Variants in IL1RAPL1 observed in about 807,000 individuals in gnomAD.
IL1RAPL1 encodes interleukin 1 receptor accessory protein like 1, also known as interleukin-1 receptor accessory protein-like 1.
In IL1RAPL1, 3 loss-of-function variants were observed where a neutral mutation model predicts 48.4. That is an observed-to-expected ratio of 0.06 (90% confidence interval 0.03 to 0.16). IL1RAPL1 has a LOEUF of 0.16. IL1RAPL1 is among the 10% of genes least tolerant of loss of function. IL1RAPL1 has a pLI of 1.00. For missense variants in IL1RAPL1, 349 were observed against 530.6 expected, an observed-to-expected ratio of 0.66 and a Z score of 3.36; for synonymous variants, 185 against 187.7, an observed-to-expected ratio of 0.99 and a Z score of 0.12.
In IL1RAPL1 at chrX:29,332,660, T is replaced by A. The variant is rs1206312130; in HGVS notation, c.362+49443T>A. ...TATTTATTTATTTATTTTATTTTTT[T>A]TTTTTTATTGATCATTCTTGGGTGT... On this transcript the variant is annotated intron_variant, in intron 3 of 10. Transcript: ENST00000378993. Among the ~76,000 whole-genome samples, 4 of 99,077 alleles carry A rather than the reference T, an allele frequency of 4.0e-5. No homozygotes were observed. The East Asian group carries it at 8.4e-4, about 21-fold the overall frequency. 86.0% of individuals were successfully genotyped at this position (99,077 alleles called of 115,157 possible).
intron 8 of IL1RAPL1, among the ~76,000 whole-genome samples, chrX:29,928,227 A>T (rs1932909269): frequency 8.9e-6 from 1 of 112,004 alleles, no homozygotes; most frequent in Non-Finnish European, 1.9e-5. Flanking sequence ...ACTCATATCG[A>T]TGTATTAGAA....
chrX:28,725,251 T>C (rs1187141396), intron 1 of IL1RAPL1, among the ~76,000 whole-genome samples: 12 of 110,996 alleles, frequency 1.1e-4, no homozygotes, highest in Non-Finnish European at 2.3e-4. Flanking sequence ...TGCCTGGCCC[T>C]TGGTGTGTTT....
intron 5 of IL1RAPL1, among the ~76,000 whole-genome samples, chrX:29,665,445 G>T (rs927245060): frequency 3.6e-5 from 4 of 112,403 alleles, no homozygotes; most frequent in African/African-American, 9.7e-5. Context: ...ATCTTGATTG[G>T]CCATTACCAT....
intron 2 of IL1RAPL1, among the ~76,000 whole-genome samples, chrX:29,155,938 A>C (rs1197746264): frequency 9.0e-6 from 1 of 110,937 alleles, no homozygotes; most frequent in Non-Finnish European, 1.9e-5. Flanking sequence ...AAAATAAATT[A>C]ATACAGGAAT....
rs1309106890 is a variant in IL1RAPL1, at chrX:29,094,558, G to A, written c.83-188380G>A. ...GGATCAACTGAGGTCAGGAGTTTGA[G>A]ACCAGCCTGGCCAACATGATGAAAC... On this transcript the variant is annotated intron_variant, in intron 2 of 10. Transcript: ENST00000378993. Among the ~76,000 whole-genome samples the A allele has an allele frequency of 7.3e-5, 7 of 96,045 alleles. No homozygotes were observed. The East Asian group carries it at 2.3e-3, about 31-fold the overall frequency. The allele number at this position is 96,045 out of a possible 115,157, so 83.4% of individuals were successfully genotyped here.
intron 2 of IL1RAPL1, among the ~76,000 whole-genome samples, chrX:29,089,221 G>A (rs767472960): frequency 9.0e-6 from 1 of 111,219 alleles, no homozygotes; most frequent in African/African-American, 3.3e-5. Flanking sequence ...TTACTCAAAA[G>A]CATATTCCCC....
intron 6 of IL1RAPL1, among the ~76,000 whole-genome samples, chrX:29,702,873 A>G (rs928924123): frequency 8.9e-6 from 1 of 112,570 alleles, no homozygotes; most frequent in African/African-American, 3.2e-5. Context: ...TACAGAGCAC[A>G]TGAATAAATG....
intron 6 of IL1RAPL1, among the ~76,000 whole-genome samples, chrX:29,690,246 C>T (rs985249597): frequency 3.6e-5 from 4 of 111,570 alleles, no homozygotes; most frequent in African/African-American, 9.8e-5. Context: ...GGTTACACGA[C>T]GATAGTACAT....
At chrX:29,381,833 A>AAAATATAT (rs1365599735) in intron 3 of IL1RAPL1, among the ~76,000 whole-genome samples, 103 of 25,295 alleles carry the variant, frequency 4.1e-3, no homozygotes, top group Non-Finnish European at 7.1e-3. Context: ...AAAAAAAAAA[A>AAAATATAT]ATATATATAT....
At chrX:29,613,712 CGTGTGTGTGTGTGTGTGTGTGTGTGT>C (rs753582133) in intron 5 of IL1RAPL1, among the ~76,000 whole-genome samples, 1 of 58,813 alleles carries the variant, frequency 1.7e-5, no homozygotes, top group Non-Finnish European at 3.0e-5. Flanking sequence ...GGGTTTTTTT[CGTGTGTGTGTGTGTGTGTGTGTGTGT>C]GTGTGTGTGT....
At chrX:29,101,858 A>T (rs1185179198) in intron 2 of IL1RAPL1, among the ~76,000 whole-genome samples, 2 of 110,835 alleles carry the variant, frequency 1.8e-5, no homozygotes, top group African/African-American at 3.3e-5. Flanking sequence ...AATTGCTTGA[A>T]CCCGGGAGGC....
In IL1RAPL1 at chrX:29,274,965, CT is replaced by C. The variant is rs370707850; in HGVS notation, c.83-7961del. ...TTCCTTGTCATATCCTTTGCTACTT[CT>C]TTTTTTTTTTTGTAACCTCTATTTT... On this transcript the variant is annotated intron_variant, in intron 2 of 10. Coordinates refer to ENST00000378993, the MANE Select transcript of IL1RAPL1 (RefSeq NM_014271.4). Among the ~76,000 whole-genome samples the C allele has an allele frequency of 9.2e-3, 950 of 103,340 alleles. 5 individuals are homozygous for C. Among genetic ancestry groups the C allele is most frequent in the African/African-American group, 0.023 (651 of 28,751 alleles). The allele number at this position is 103,340 out of a possible 115,157, so 89.7% of individuals were successfully genotyped here.
chrX:29,279,650 A>C (rs933971980), intron 2 of IL1RAPL1, among the ~76,000 whole-genome samples: 4 of 111,432 alleles, frequency 3.6e-5, no homozygotes, highest in Non-Finnish European at 7.5e-5. Flanking sequence ...TGTCGTCCAA[A>C]GTGCCATTTC....
chrX:29,387,862 A>C (rs1933799496), intron 3 of IL1RAPL1, among the ~76,000 whole-genome samples: 1 of 109,645 alleles, frequency 9.1e-6, no homozygotes, highest in Non-Finnish European at 1.9e-5. Flanking sequence ...GCGTGGTGGC[A>C]GGTGCCTGTA....
At chrX:29,260,583 T>C (rs1008068271) in intron 2 of IL1RAPL1, among the ~76,000 whole-genome samples, 2 of 111,487 alleles carry the variant, frequency 1.8e-5, no homozygotes, top group Non-Finnish European at 3.8e-5. Flanking sequence ...CACATGGGGA[T>C]TATTACAATT....
At chrX:29,582,291 A>T (rs906139636) in intron 5 of IL1RAPL1, among the ~76,000 whole-genome samples, 2 of 111,685 alleles carry the variant, frequency 1.8e-5, no homozygotes, top group Non-Finnish European at 3.8e-5. Flanking sequence ...TAATCAATTA[A>T]TTAATTAATT....
intron 2 of IL1RAPL1, among the ~76,000 whole-genome samples, chrX:29,103,395 G>C (rs1467165604): frequency 8.9e-6 from 1 of 111,874 alleles, no homozygotes; most frequent in Admixed American, 9.5e-5. Flanking sequence ...TCAATAAGTG[G>C]TGGTGGGCAA....
chrX:28,757,894 A>G (rs1936123256), intron 1 of IL1RAPL1, among the ~76,000 whole-genome samples: 1 of 111,557 alleles, frequency 9.0e-6, no homozygotes, highest in South Asian at 3.7e-4. Flanking sequence ...CCCTGCAACA[A>G]CCCATTTACT....
intron 5 of IL1RAPL1, among the ~76,000 whole-genome samples, chrX:29,544,440 G>T (rs1428213810): frequency 1.8e-5 from 2 of 111,630 alleles, no homozygotes; most frequent in Non-Finnish European, 3.8e-5. Context: ...GTGTGTATCT[G>T]TGTGCATATA....
Sources: gnomAD v4.1 joint callset for allele counts (sites outside exome capture counted in the v4.1 genomes callset) on GRCh38, gnomAD v4.1.1 for gene constraint, MANE v1.5 for transcripts, NCBI Gene and HGNC (gene_info 2026-07-23, HGNC 2026-07-21) for gene names.